Variants in MEF2D observed in about 807,000 individuals in gnomAD.
The protein encoded by MEF2D is myocyte-specific enhancer factor 2D.
In MEF2D, 10 loss-of-function variants were observed where a neutral mutation model predicts 59.3. That is an observed-to-expected ratio of 0.17 (90% confidence interval 0.10 to 0.29). The LOEUF (loss-of-function observed/expected upper bound fraction) is 0.29, where lower values mean the gene tolerates loss of function less well. Among genes scored for constraint, MEF2D ranks in the 10% least tolerant of loss-of-function variants. The probability of loss-of-function intolerance (pLI) is 1.00; values close to 1 mark genes in which losing one functional copy is unlikely to be tolerated. For synonymous variants in MEF2D, 305 were observed against 295.0 expected (o/e 1.03, Z -0.35); for missense variants, 508 against 699.4 (o/e 0.73, Z 3.09).
chr1:156,498,639 C>T lies in MEF2D; in HGVS notation c.-139+1847G>A, dbSNP rs138143147. 4.3e-4 allele frequency among the ~76,000 whole-genome samples: 64 copies of T among 148,426 alleles called. 1 individual carries two copies. Among genetic ancestry groups the T allele is most frequent in the African/African-American group, 1.5e-3 (63 of 40,868 alleles). On this transcript the variant is annotated intron_variant, in intron 1 of 11. Transcript: ENST00000348159. ...CCCCCCAGAGAGACCAGAGACCTCT[C>T]CCTTTACAAATGTACATGCACACAC...
Position 156,468,448 on chromosome 1 carries a change from G to C in MEF2D, c.1248-149C>G, listed in dbSNP as rs141938024. The C allele has an allele frequency of 1.6e-6, 1 of 637,472 alleles. No homozygotes were observed. The highest frequency in any genetic ancestry group is 2.7e-6 in the Non-Finnish European group (1 of 375,422). 39.5% of individuals were successfully genotyped at this position (637,472 alleles called of 1,614,324 possible). On this transcript the variant is annotated intron_variant, in intron 10 of 11. Coordinates refer to ENST00000348159, the MANE Select transcript of MEF2D (RefSeq NM_005920.4). This position sits in a 1 kb window ranked among gnomAD's most constrained non-coding sequence, Gnocchi z 4.3. Reference sequence around the variant, plus strand: ...GGTGTTGGGGAGAGGCAATTGGATGGAGAGTGATCAGAAGAGGGTCGAATG... The same window carrying C: ...GGTGTTGGGGAGAGGCAATTGGATGCAGAGTGATCAGAAGAGGGTCGAATG...
chr1:156,467,875 G>A lies in MEF2D; in HGVS notation c.1554+118C>T, dbSNP rs999652720. On this transcript the variant is annotated intron_variant, in intron 11 of 11. Coordinates refer to ENST00000348159, the MANE Select transcript of MEF2D (RefSeq NM_005920.4). The stretch of plus-strand genomic sequence containing the variant: ...TTGGTGCTGCCCTAGAAGGGCTGGC[G>A]GAAGGGGTAGCCGGCCACAAGGCCT... 45 of 1,341,846 alleles carry A rather than the reference G, an allele frequency of 3.4e-5. 1 individual carries two copies. The South Asian group carries it at 4.9e-4, about 14-fold the overall frequency. 83.1% of individuals were successfully genotyped at this position (1,341,846 alleles called of 1,614,324 possible).
At chr1:156,475,997 T>C (rs1312030466) in intron 8 of MEF2D, among the ~76,000 whole-genome samples, 1 of 151,982 alleles carries the variant, frequency 6.6e-6, no homozygotes, top group Non-Finnish European at 1.5e-5. Flanking sequence ...GAAGGACAAG[T>C]CCAGCCTGGG....
In MEF2D at chr1:156,468,347, GGTGA is replaced by G. The variant is rs757901426; in HGVS notation, c.1248-52_1248-49del. On this transcript the variant is annotated intron_variant, in intron 10 of 11. Transcript: ENST00000348159. The surrounding 1 kb of genome is among the most constrained non-coding windows in gnomAD (Gnocchi z 4.3). ...GGGTACAAGGGATAAAAACAGAGGG[GGTGA>G]GTGACAGAACAAGTGATAGGACACC... is the stretch of plus-strand genomic sequence containing the variant. 100 of 1,367,870 alleles carry G rather than the reference GGTGA, an allele frequency of 7.3e-5. No individual in the cohort carries two copies. Among genetic ancestry groups the G allele is most frequent in the Non-Finnish European group, 9.7e-5 (97 of 1,001,060 alleles). The allele number at this position is 1,367,870 out of a possible 1,614,324, so 84.7% of individuals were successfully genotyped here.
At chr1:156,471,846 G>A (rs1267512292) in intron 9 of MEF2D, among the ~76,000 whole-genome samples, 1 of 152,242 alleles carries the variant, frequency 6.6e-6, no homozygotes, top group East Asian at 1.9e-4. Flanking sequence ...TGTTTAAACT[G>A]AGATCTGCTT....
chr1:156,494,188 C>G (rs562775473), intron 1 of MEF2D, among the ~76,000 whole-genome samples: 1 of 152,170 alleles, frequency 6.6e-6, no homozygotes, highest in South Asian at 2.1e-4. Flanking sequence ...TCCCTCAAAC[C>G]CCTTGCTCTA....
rs377230319 is a variant in MEF2D, at chr1:156,468,019, C to T, written c.1528G>A (p.Val510Met). The T allele has an allele frequency of 1.1e-5, 17 of 1,613,384 alleles. No individual in the cohort carries two copies. Among genetic ancestry groups the T allele is most frequent in the Admixed American group, 8.3e-5 (5 of 59,956 alleles). ...CAGGTATCAAGCCGCATCCTCTTCA[C>T]AGCTGAGCCCTCAGCCTCAGGCTCT... ...APEPEAEGSA[V>M]KRMRLDTWTL... The change falls in exon 11 of 12, where the codon GTG becomes ATG. Residue 510 changes from valine (V) to methionine (M), a missense_variant. Coordinates refer to ENST00000348159, the MANE Select transcript of MEF2D (RefSeq NM_005920.4). This position sits in a 1 kb window ranked among gnomAD's most constrained non-coding sequence, Gnocchi z 4.3.
intron 1 of MEF2D, among the ~76,000 whole-genome samples, chr1:156,487,563 G>A (rs1389620542): frequency 1.3e-5 from 2 of 152,214 alleles, no homozygotes; most frequent in African/African-American, 4.8e-5. Flanking sequence ...GCAAGAACAT[G>A]AACTCAACCC....
chr1:156,466,708 G>A lies in MEF2D; in HGVS notation c.*937C>T, dbSNP rs1225081407. The A allele has an allele frequency of 6.5e-6, 1 of 152,884 alleles. No homozygotes were observed. Among genetic ancestry groups the A allele is most frequent in the Non-Finnish European group, 1.5e-5 (1 of 68,234 alleles). 9.5% of individuals were successfully genotyped at this position (152,884 alleles called of 1,614,324 possible). A position where few individuals can be genotyped will look rare whatever the true frequency, so the allele number is the denominator to read the frequency against. The stretch of plus-strand genomic sequence containing the variant: ...CTCTCGCCCCAGCCACCTCACTGAA[G>A]ACCCTCTCCCCATTCTCCCTGCACA... On this transcript the variant is annotated 3_prime_UTR_variant, in exon 12 of 12. Coordinates refer to ENST00000348159, the MANE Select transcript of MEF2D (RefSeq NM_005920.4).
intron 8 of MEF2D, 107 bp from the exon 9 acceptor site, chr1:156,475,344 G>T: frequency 7.2e-7 from 1 of 1,387,002 alleles, no homozygotes; most frequent in Non-Finnish European, 9.6e-7. Flanking sequence ...AAGCCAAGGC[G>T]GGGTGCCTTA....
intron 1 of MEF2D, among the ~76,000 whole-genome samples, chr1:156,486,022 G>A (rs1040816711): frequency 6.6e-6 from 1 of 151,988 alleles, no homozygotes; most frequent in African/African-American, 2.4e-5. Flanking sequence ...GCTAACTTTT[G>A]TATTTTCAGT....
chr1:156,488,216 A>C (rs1259302782), intron 1 of MEF2D, among the ~76,000 whole-genome samples: 1 of 152,240 alleles, frequency 6.6e-6, no homozygotes. Flanking sequence ...CCTGGTGGAC[A>C]TGGGAGAAGC....
intron 3 of MEF2D, among the ~76,000 whole-genome samples, chr1:156,481,351 C>T (rs1169634421): frequency 6.6e-6 from 1 of 152,182 alleles, no homozygotes; most frequent in Non-Finnish European, 1.5e-5. Flanking sequence ...CTGTGGTAAG[C>T]CCTGACCAGA....
intron 1 of MEF2D, among the ~76,000 whole-genome samples, chr1:156,497,866 C>G (rs1239907927): frequency 6.6e-6 from 1 of 151,940 alleles, no homozygotes; most frequent in Non-Finnish European, 1.5e-5. Context: ...AGGTCCAGGC[C>G]TCTCTGGGGG....
chr1:156,496,990 C>T (rs1165184022), intron 1 of MEF2D, among the ~76,000 whole-genome samples: 1 of 152,192 alleles, frequency 6.6e-6, no homozygotes, highest in South Asian at 2.1e-4. Context: ...CCTTTCCTTT[C>T]GGGAGAGCCA....
chr1:156,475,365 C>T, intron 8 of MEF2D, 128 bp from the exon 9 acceptor site: 2 of 1,107,702 alleles, frequency 1.8e-6, no homozygotes, highest in Non-Finnish European at 1.3e-6. Flanking sequence ...GCACGGAGGC[C>T]CCCACAGATA....
Position 156,482,439 on chromosome 1 carries a change from C to T in MEF2D, c.256G>A (p.Glu86Lys). ...HESRTNADII[E>K]TLRKKGFNGC... Reference sequence around the variant, plus strand: ...GGTGCCTGTGTGTATGGGCCCACCTCGATGATGTCGGCGTTGGTGCGGCTC... The same window carrying T: ...GGTGCCTGTGTGTATGGGCCCACCTTGATGATGTCGGCGTTGGTGCGGCTC... The change falls in exon 3 of 12, where the codon GAG becomes AAG. Residue 86 changes from glutamate (E) to lysine (K), a missense_variant and splice_region_variant. By Grantham distance (56) the Glu-to-Lys change is moderately conservative (BLOSUM62 1). This residue lies in a region of MEF2D where 481 missense variants were observed against 584.7 expected (regional missense o/e 0.82). Transcript: ENST00000348159. The T allele has an allele frequency of 6.2e-7, 1 of 1,613,818 alleles. No homozygotes were observed. Among genetic ancestry groups the T allele is most frequent in the Non-Finnish European group, 8.5e-7 (1 of 1,180,024 alleles).
At chr1:156,488,216 A>G (rs1259302782) in intron 1 of MEF2D, among the ~76,000 whole-genome samples, 1 of 152,240 alleles carries the variant, frequency 6.6e-6, no homozygotes, top group East Asian at 1.9e-4. Context: ...CCTGGTGGAC[A>G]TGGGAGAAGC....
At chr1:156,485,515 CCTT>C (rs1371623508) in intron 1 of MEF2D, among the ~76,000 whole-genome samples, 4 of 122,830 alleles carry the variant, frequency 3.3e-5, no homozygotes, top group Non-Finnish European at 5.0e-5. Flanking sequence ...CTACCCTTCT[CCTT>C]CTTCTTTTTT....
Sources: allele counts gnomAD v4.1 joint callset (sites outside exome capture counted in the v4.1 genomes callset), GRCh38; gene constraint gnomAD v4.1.1; regional missense constraint gnomAD v4.1.1; non-coding constraint Gnocchi (gnomAD v3.1); transcripts MANE v1.5; gene names NCBI Gene and HGNC (gene_info 2026-07-23, HGNC 2026-07-21).